TENM3: variants seen among roughly 807,000 people sequenced by gnomAD.
TENM3 encodes teneurin transmembrane protein 3, also known as teneurin-3.
A neutral mutation model predicts 255.1 loss-of-function variants in TENM3; 63 were observed. The observed-to-expected ratio is 0.25, with a 90% CI of 0.20 to 0.30. The LOEUF (loss-of-function observed/expected upper bound fraction) is 0.30, where lower values mean the gene tolerates loss of function less well. TENM3 is among the 10% of genes least tolerant of loss of function. The pLI, the probability that TENM3 is intolerant of heterozygous loss-of-function variation, is 1.00. For synonymous variants in TENM3, 1,306 were observed against 1,322.3 expected (o/e 0.99, Z 0.27); for missense variants, 2,929 against 3,461.1 (o/e 0.85, Z 3.86).
intron 1 of TENM3, among the ~76,000 whole-genome samples, chr4:182,312,219 G>C (rs1430389240): frequency 6.6e-6 from 1 of 152,160 alleles, no homozygotes; most frequent in Non-Finnish European, 1.5e-5. Flanking sequence ...TTATTGGCTT[G>C]GTGTGGTGGC....
chr4:181,665,445 ATAT>A, the TENM3 span, among the ~76,000 whole-genome samples: 1 of 152,164 alleles, frequency 6.6e-6, no homozygotes, highest in African/African-American at 2.4e-5. Context: ...ATCAGTACAA[ATAT>A]TATATGTGCA....
intron 3 of TENM3, among the ~76,000 whole-genome samples, chr4:182,370,824 A>C (rs1355714675): frequency 6.6e-6 from 1 of 152,176 alleles, no homozygotes; most frequent in African/African-American, 2.4e-5. Flanking sequence ...TTGCTAAAGG[A>C]CCTGCCAAAT....
chr4:181,909,267 G>T, the TENM3 span, among the ~76,000 whole-genome samples: 1 of 152,122 alleles, frequency 6.6e-6, no homozygotes, highest in Admixed American at 6.5e-5. Context: ...GTGTCTTTGT[G>T]CAAATTATTT....
the TENM3 span, among the ~76,000 whole-genome samples, chr4:181,575,935 G>T: frequency 6.6e-6 from 1 of 151,354 alleles, no homozygotes; most frequent in African/African-American, 2.4e-5. Context: ...CCATTTAGGG[G>T]ACACATTTTG....
chr4:181,627,843 T>C, the TENM3 span, among the ~76,000 whole-genome samples: 1 of 152,230 alleles, frequency 6.6e-6, no homozygotes, highest in East Asian at 1.9e-4. Context: ...ATCCTTTGGG[T>C]ATATGCCCAG....
the TENM3 span, among the ~76,000 whole-genome samples, chr4:182,044,170 A>G: frequency 6.6e-6 from 1 of 152,214 alleles, no homozygotes; most frequent in Non-Finnish European, 1.5e-5. Flanking sequence ...TACCATCCAC[A>G]TACCACCAAG....
chr4:182,729,120 A>G lies in TENM3; in HGVS notation c.2524A>G (p.Ser842Gly), dbSNP rs751513947. The G allele has an allele frequency of 1.9e-6, 3 of 1,614,036 alleles. No homozygotes were observed. Among genetic ancestry groups the G allele is most frequent in the South Asian group, 2.2e-5 (2 of 91,086 alleles). Residue 842 changes from serine (S) to glycine (G), a missense_variant, in exon 14 of 28, where the codon AGT (serine) becomes GGT (glycine). Ser to Gly is a moderately conservative substitution (Grantham distance 56). Coordinates refer to ENST00000511685, the MANE Select transcript of TENM3 (RefSeq NM_001080477.4). Reference sequence around the variant, plus strand: ...TGCCAAATCCTTTTATGATCGAATCAGTTTCCTTATAGGATCTGATAGCAC... The same window carrying G: ...TGCCAAATCCTTTTATGATCGAATCGGTTTCCTTATAGGATCTGATAGCAC... ...QAAKSFYDRI[S>G]FLIGSDSTHV...
chr4:181,641,552 G>GTATATATATATATA, the TENM3 span, among the ~76,000 whole-genome samples: 41 of 21,626 alleles, frequency 1.9e-3, 1 homozygote, highest in East Asian at 5.1e-3. Context: ...CATGGTGTGT[G>GTATATATATATATA]TGTATATATA....
At chr4:182,534,289 A>G (rs931797003) in intron 3 of TENM3, among the ~76,000 whole-genome samples, 1 of 152,214 alleles carries the variant, frequency 6.6e-6, no homozygotes, top group African/African-American at 2.4e-5. Context: ...GGCTGAGCTC[A>G]ATCTTACAGG....
chr4:182,447,578 C>T (rs1773033452), intron 3 of TENM3, among the ~76,000 whole-genome samples: 1 of 152,152 alleles, frequency 6.6e-6, no homozygotes, highest in Non-Finnish European at 1.5e-5. Context: ...TAATTGCAGT[C>T]TGCTAATCTT....
chr4:182,792,253 C>G lies in TENM3; in HGVS notation c.5602-21C>G, dbSNP rs1331209026. Reference sequence around the variant, plus strand: ...TCTCCCGTTCACAAACACTGAGTAACAGTATGTTCTCTCTTTACAGTCCAT... The same window carrying G: ...TCTCCCGTTCACAAACACTGAGTAAGAGTATGTTCTCTCTTTACAGTCCAT... On this transcript the variant is annotated intron_variant, in intron 25 of 27. Transcript: ENST00000511685. The surrounding 1 kb of genome is among the most constrained non-coding windows in gnomAD (Gnocchi z 6.3). The G allele has an allele frequency of 6.3e-7, 1 of 1,597,514 alleles. No individual in the cohort carries two copies.
chr4:182,216,249 A>G (rs567474044), intron 1 of TENM3, among the ~76,000 whole-genome samples: 1 of 152,208 alleles, frequency 6.6e-6, no homozygotes, highest in African/African-American at 2.4e-5. Context: ...CTGACGTCAC[A>G]TCTCCTGGTG....
intron 3 of TENM3, among the ~76,000 whole-genome samples, chr4:182,362,545 C>A (rs1009976133): frequency 6.6e-6 from 1 of 152,180 alleles, no homozygotes; most frequent in South Asian, 2.1e-4. Context: ...GATATAATCT[C>A]CTGGTGCGCC....
chr4:182,798,046 A>T lies in TENM3; in HGVS notation c.7344+1279A>T, dbSNP rs574315025. Among the ~76,000 whole-genome samples, 46 of 152,182 alleles carry T rather than the reference A, an allele frequency of 3.0e-4. 1 individual carries two copies. Among genetic ancestry groups the T allele is most frequent in the African/African-American group, 1.1e-3 (44 of 41,518 alleles). ...TACAATATCATATATATTTTTTTTT[A>T]ATTGAAATGGGGTCTCACTGTGTCA... On this transcript the variant is annotated intron_variant, in intron 27 of 27. Coordinates refer to ENST00000511685, the MANE Select transcript of TENM3 (RefSeq NM_001080477.4).
intron 1 of TENM3, among the ~76,000 whole-genome samples, chr4:182,188,959 A>C (rs955620426): frequency 6.6e-6 from 1 of 152,070 alleles, no homozygotes; most frequent in Non-Finnish European, 1.5e-5. Flanking sequence ...AATTGAGAGG[A>C]TTATGTTAAA....
intron 5 of TENM3, among the ~76,000 whole-genome samples, chr4:182,641,257 C>A (rs1427222582): frequency 6.6e-6 from 1 of 152,164 alleles, no homozygotes; most frequent in Non-Finnish European, 1.5e-5. Context: ...AAATGTAACG[C>A]CTTGGAGAAC....
the TENM3 span, among the ~76,000 whole-genome samples, chr4:181,559,549 A>G: frequency 6.6e-6 from 1 of 152,244 alleles, no homozygotes; most frequent in Admixed American, 6.5e-5. Context: ...GAAAAATTGC[A>G]TAATAACTTT....
the TENM3 span, among the ~76,000 whole-genome samples, chr4:181,842,056 G>GAA: frequency 2.0e-5 from 2 of 99,672 alleles, no homozygotes; most frequent in African/African-American, 5.7e-5. Flanking sequence ...TTTCTGAGTT[G>GAA]AAGACTGATT....
the TENM3 span, among the ~76,000 whole-genome samples, chr4:181,466,048 C>A: frequency 6.6e-6 from 1 of 151,994 alleles, no homozygotes; most frequent in Non-Finnish European, 1.5e-5. Flanking sequence ...ACTTGGAATT[C>A]TTGACATCCA....
Sources: gnomAD v4.1 joint callset for allele counts (sites outside exome capture counted in the v4.1 genomes callset) on GRCh38, gnomAD v4.1.1 for gene constraint, Gnocchi (gnomAD v3.1) non-coding constraint, MANE v1.5 for transcripts, NCBI Gene and HGNC (gene_info 2026-07-23, HGNC 2026-07-21) for gene names.